Variants in IL1RAPL2 observed in about 807,000 individuals in gnomAD.
IL1RAPL2 encodes interleukin 1 receptor accessory protein like 2.
IL1RAPL2 carries 3 observed loss-of-function variants against 44.1 expected under a neutral mutation model. That is an observed-to-expected ratio of 0.07 (90% CI 0.03 to 0.18). The LOEUF is 0.18. Among genes scored for constraint, IL1RAPL2 ranks in the 10% least tolerant of loss-of-function variants. The probability of loss-of-function intolerance (pLI) is 1.00; values close to 1 mark genes in which losing one functional copy is unlikely to be tolerated. For missense variants in IL1RAPL2, 391 were observed against 496.4 expected, an observed-to-expected ratio of 0.79 and a Z score of 2.02; for synonymous variants, 181 against 178.8, an observed-to-expected ratio of 1.01 and a Z score of -0.10.
intron 7 of IL1RAPL2, among the ~76,000 whole-genome samples, chrX:105,733,375 G>C (rs1298238855): frequency 9.0e-6 from 1 of 110,834 alleles, no homozygotes; most frequent in East Asian, 2.9e-4. Flanking sequence ...TCTGCTTTGT[G>C]TTCTTGGAGC....
intron 2 of IL1RAPL2, among the ~76,000 whole-genome samples, chrX:105,079,011 T>C (rs4350104): frequency 0.063 from 7,071 of 112,025 alleles, 604 homozygotes; most frequent in African/African-American, 0.22. Flanking sequence ...CTGCTTCGGC[T>C]CACACACAGT....
chrX:105,128,098 A>T lies in IL1RAPL2; in HGVS notation c.83-67377A>T, dbSNP rs188167902. Reference sequence around the variant, plus strand: ...TATCTCTAATTCCTTCTGCTTAAGTAACATGTACCAACCCTTAAGCAGTGG... The same window carrying T: ...TATCTCTAATTCCTTCTGCTTAAGTTACATGTACCAACCCTTAAGCAGTGG... On this transcript the variant is annotated intron_variant, in intron 2 of 10. Coordinates refer to ENST00000372582, the MANE Select transcript of IL1RAPL2 (RefSeq NM_017416.2). Among the ~76,000 whole-genome samples the T allele has an allele frequency of 1.6e-3, 175 of 110,917 alleles. 2 individuals are homozygous for T. Among genetic ancestry groups the T allele is most frequent in the African/African-American group, 4.2e-3 (130 of 30,710 alleles).
chrX:105,168,053 A>G (rs1454718325), intron 2 of IL1RAPL2, among the ~76,000 whole-genome samples: 1 of 111,423 alleles, frequency 9.0e-6, no homozygotes, highest in Non-Finnish European at 1.9e-5. Context: ...TGTTTCTCTA[A>G]CAAATACATG....
At chrX:105,412,591 G>A (rs981208109) in intron 5 of IL1RAPL2, among the ~76,000 whole-genome samples, 1 of 110,719 alleles carries the variant, frequency 9.0e-6, no homozygotes, top group Non-Finnish European at 1.9e-5. Context: ...TGGCGAAGTT[G>A]GTCAATGCAT....
intron 2 of IL1RAPL2, among the ~76,000 whole-genome samples, chrX:104,894,943 G>T (rs1270019983): frequency 4.5e-5 from 5 of 112,122 alleles, no homozygotes; most frequent in African/African-American, 1.6e-4. Flanking sequence ...TTTGATGATG[G>T]TGATGTTCAG....
intron 2 of IL1RAPL2, among the ~76,000 whole-genome samples, chrX:105,060,295 G>A (rs1413538215): frequency 1.8e-5 from 2 of 111,415 alleles, no homozygotes; most frequent in East Asian, 5.6e-4. Context: ...CCAGTATTTT[G>A]AGTATTTTTA....
chrX:105,103,682 G>A (rs1426972651), intron 2 of IL1RAPL2, among the ~76,000 whole-genome samples: 1 of 111,674 alleles, frequency 9.0e-6, no homozygotes, highest in Non-Finnish European at 1.9e-5. Context: ...CAACTTGATG[G>A]TGGTCAAAGT....
At chrX:105,040,484 G>C (rs2031711174) in intron 2 of IL1RAPL2, among the ~76,000 whole-genome samples, 1 of 111,201 alleles carries the variant, frequency 9.0e-6, no homozygotes, top group Non-Finnish European at 1.9e-5. Context: ...ATCTCTGGTA[G>C]AATTTGGCTG....
chrX:105,199,403 A>G (rs1316791233), intron 3 of IL1RAPL2, among the ~76,000 whole-genome samples: 1 of 103,613 alleles, frequency 9.7e-6, no homozygotes, highest in East Asian at 3.1e-4. Context: ...AGAATTAGCC[A>G]TTTTTCCAAG....
chrX:104,635,875 A>G (rs1325983514), intron 1 of IL1RAPL2, among the ~76,000 whole-genome samples: 4 of 111,498 alleles, frequency 3.6e-5, no homozygotes, highest in African/African-American at 6.5e-5. Context: ...GCTTTGTTCC[A>G]TTGCTGGTGA....
intron 2 of IL1RAPL2, among the ~76,000 whole-genome samples, chrX:105,063,649 G>A (rs2032101825): frequency 9.0e-6 from 1 of 111,612 alleles, no homozygotes; most frequent in African/African-American, 3.3e-5. Context: ...GATGAGTTAG[G>A]TATTTATTTT....
At chrX:104,835,395 A>G (rs1921715675) in intron 2 of IL1RAPL2, among the ~76,000 whole-genome samples, 1 of 111,767 alleles carries the variant, frequency 8.9e-6, no homozygotes, top group Admixed American at 9.5e-5. Context: ...AAAAAAAAAA[A>G]CATTTAACTT....
chrX:105,331,424 A>C (rs1362815611), intron 5 of IL1RAPL2, among the ~76,000 whole-genome samples: 2 of 111,786 alleles, frequency 1.8e-5, no homozygotes, highest in East Asian at 5.6e-4. Flanking sequence ...TAAATGGATG[A>C]TGCTGCCCAA....
intron 3 of IL1RAPL2, among the ~76,000 whole-genome samples, chrX:105,216,598 A>C (rs894320732): frequency 4.5e-5 from 5 of 111,134 alleles, no homozygotes; most frequent in Admixed American, 9.5e-5. Flanking sequence ...AAAAAAAAAA[A>C]CTACTTTAAA....
intron 1 of IL1RAPL2, among the ~76,000 whole-genome samples, chrX:104,657,307 G>C (rs1930286631): frequency 9.0e-6 from 1 of 111,373 alleles, no homozygotes; most frequent in Non-Finnish European, 1.9e-5. Flanking sequence ...AGAGGCCTCA[G>C]AAATAACACC....
chrX:104,842,841 G>A (rs1453079494), intron 2 of IL1RAPL2, among the ~76,000 whole-genome samples: 1 of 112,595 alleles, frequency 8.9e-6, no homozygotes, highest in African/African-American at 3.2e-5. Flanking sequence ...CCTGTTGGGA[G>A]GTCTCTCCCA....
At chrX:105,351,795 C>T (rs1326000214) in intron 5 of IL1RAPL2, among the ~76,000 whole-genome samples, 1 of 111,377 alleles carries the variant, frequency 9.0e-6, no homozygotes, top group Non-Finnish European at 1.9e-5. Flanking sequence ...TAAAAAAAAT[C>T]TTGAACTTTG....
At chrX:105,112,014 T>C (rs985255002) in intron 2 of IL1RAPL2, among the ~76,000 whole-genome samples, 1 of 111,991 alleles carries the variant, frequency 8.9e-6, no homozygotes, top group African/African-American at 3.2e-5. Flanking sequence ...ATCTGTGTAC[T>C]TTACTGAGAC....
At chrX:104,676,094 T>C (rs2147535287) in intron 2 of IL1RAPL2, among the ~76,000 whole-genome samples, 1 of 109,216 alleles carries the variant, frequency 9.2e-6, no homozygotes, top group South Asian at 4.0e-4. Context: ...ATTTAGTCCA[T>C]TTACATTTAA....
Sources: gnomAD v4.1 joint callset for allele counts (sites outside exome capture counted in the v4.1 genomes callset) on GRCh38, gnomAD v4.1.1 for gene constraint, MANE v1.5 for transcripts, NCBI Gene and HGNC (gene_info 2026-07-23, HGNC 2026-07-21) for gene names.